The following NELFE variants were observed in gnomAD, a reference collection of about 807,000 sequenced individuals.
The protein encoded by NELFE is negative elongation factor E.
NELFE carries 26 observed loss-of-function variants against 55.5 expected under a neutral mutation model. The observed-to-expected ratio is 0.47, with a 90% CI of 0.34 to 0.65. The LOEUF (loss-of-function observed/expected upper bound fraction) is 0.65. NELFE is among the 30% of genes least tolerant of loss of function. NELFE has a pLI of 0.01. For missense variants in NELFE, 403 were observed against 506.9 expected, an observed-to-expected ratio of 0.80 and a Z score of 1.97; for synonymous variants, 162 against 178.0, an observed-to-expected ratio of 0.91 and a Z score of 0.72.
chr6:31,956,935 A>T lies in NELFE; in HGVS notation c.145+6T>A, dbSNP rs1772122220. 1 of 1,611,488 alleles carries T rather than the reference A, an allele frequency of 6.2e-7. No individual in the cohort carries two copies. Among genetic ancestry groups the T allele is most frequent in the Non-Finnish European group, 8.5e-7 (1 of 1,178,756 alleles). ...CCAGTCCATCCCCATTTCCCCTGTC[A>T]CTCACAGCGTTTGACACCACCTTGG... On this transcript the variant is annotated splice_donor_region_variant and intron_variant, in intron 3 of 10. Transcript: ENST00000375429.
At chr6:31,952,479 T>G (rs947517124) in intron 10 of NELFE, 81 bp from the exon 11 acceptor site, 104 of 998,080 alleles carry the variant, frequency 1.0e-4, no homozygotes, top group Middle Eastern at 5.8e-4. Flanking sequence ...ACCACCTCAC[T>G]CCTGGCCACT....
chr6:31,955,000 CCAAGGA>C lies in NELFE; in HGVS notation c.404+53_404+58del. 1.2e-6 allele frequency: 2 copies of C among 1,613,406 alleles called. No homozygotes were observed. The highest frequency in any genetic ancestry group is 1.7e-6 in the Non-Finnish European group (2 of 1,179,860). On this transcript the variant is annotated intron_variant, in intron 6 of 10. Transcript: ENST00000375429. This position sits in a 1 kb window ranked among gnomAD's most constrained non-coding sequence, Gnocchi z 5.5. ...GCCCAGCTCCTACAGCCCAAACCTC[CCAAGGA>C]CTCAGGCAATCAACTCCACCAAATG...
chr6:31,956,235 CCTG>C (rs1271703855), intron 4 of NELFE, among the ~76,000 whole-genome samples: 1 of 151,576 alleles, frequency 6.6e-6, no homozygotes, highest in Non-Finnish European at 1.5e-5. Context: ...GGCCTCACAC[CCTG>C]CTGATTTTTG....
rs1771810131 is a variant in NELFE at position 31,952,098 on chromosome 6, T to C, written c.*203A>G. 1.3e-6 allele frequency: 2 copies of C among 1,599,200 alleles called. No homozygotes were observed. The highest frequency in any genetic ancestry group is 8.5e-7 in the Non-Finnish European group (1 of 1,170,906). ...GCTGCGACAACACCTGTGTTCCAGA[T>C]CCTTTTGGGGCAAGGGAGTGGGGAA... On this transcript the variant is annotated 3_prime_UTR_variant, in exon 11 of 11. Coordinates refer to ENST00000375429, the MANE Select transcript of NELFE (RefSeq NM_002904.6).
intron 2 of NELFE, 43 bp downstream of exon 2, chr6:31,958,329 G>A (rs1036553475): frequency 1.9e-6 from 3 of 1,555,928 alleles, no homozygotes; most frequent in African/African-American, 1.4e-5. Flanking sequence ...TCAGAGTGCA[G>A]AGTCTGTGAA....
rs630379 is a variant in NELFE, at chr6:31,954,477, A to C, written c.743-35T>G. 1,156,133 of 1,584,938 alleles carry C rather than the reference A, an allele frequency of 0.73. 428,244 individuals are homozygous for C. Among genetic ancestry groups the C allele is most frequent in the South Asian group, 0.94 (80,585 of 85,848 alleles). On this transcript the variant is annotated intron_variant, in intron 7 of 10. Transcript: ENST00000375429. The surrounding 1 kb of genome is among the most constrained non-coding windows in gnomAD (Gnocchi z 5.5). ...CACAAATCATAGTCACAAGACATAGACCATGCCACATTTCACTTAGTAGGA... is the reference window on the plus strand; with the variant it reads ...CACAAATCATAGTCACAAGACATAGCCCATGCCACATTTCACTTAGTAGGA...
chr6:31,956,234 C>T (rs1437862482), intron 4 of NELFE, among the ~76,000 whole-genome samples: 1 of 151,904 alleles, frequency 6.6e-6, no homozygotes, highest in Non-Finnish European at 1.5e-5. Context: ...CGGCCTCACA[C>T]CCTGCTGATT....
chr6:31,956,892 G>A, intron 3 of NELFE, 49 bp downstream of exon 3: 1 of 1,612,974 alleles, frequency 6.2e-7, no homozygotes, highest in Non-Finnish European at 8.5e-7. Context: ...ATGAAGGTCA[G>A]CTCCATGCTG....
In NELFE at chr6:31,954,421, C is replaced by A; in HGVS notation, c.764G>T (p.Arg255Leu). Residue 255 changes from arginine to leucine, a missense_variant, in exon 8 of 11, where the codon CGG becomes CTG. Physicochemically the swap from Arg to Leu is moderately radical, Grantham distance 102. Around this residue, in one of 3 missense-constraint regions of NELFE, gnomAD observed 229 missense variants for 228.3 expected, o/e 1.00. Coordinates refer to ENST00000375429, the MANE Select transcript of NELFE (RefSeq NM_002904.6). The surrounding 1 kb of genome is among the most constrained non-coding windows in gnomAD (Gnocchi z 5.5). ...PFRRSDSFPE[R>L]RAPRKGNTLY... ...AGTATTCCCTTTCCTAGGGGCTCGC[C>A]GTTCAGGGAATGAATCCGACCCTTT... 1 of 1,605,410 alleles carries A rather than the reference C, an allele frequency of 6.2e-7. No homozygotes were observed. The highest frequency in any genetic ancestry group is 1.1e-5 in the South Asian group (1 of 90,196).
Position 31,958,937 on chromosome 6 carries a change from G to C in NELFE, c.-54C>G, listed in dbSNP as rs528161153. On this transcript the variant is annotated 5_prime_UTR_variant, in exon 1 of 11. Coordinates refer to ENST00000375429, the MANE Select transcript of NELFE (RefSeq NM_002904.6). ...GGCCCCACGGTCTCCGGCCGCGCCC[G>C]CGCTGGCCGCTGATAGCGGGCTCAC... 3 of 594,792 alleles carry C rather than the reference G, an allele frequency of 5.0e-6. No homozygotes were observed. Among genetic ancestry groups the C allele is most frequent in the Non-Finnish European group, 8.9e-6 (3 of 335,962 alleles). The allele number at this position is 594,792 out of a possible 1,614,324, so 36.8% of individuals were successfully genotyped here. A position where few individuals can be genotyped will look rare whatever the true frequency, so the allele number is the denominator to read the frequency against.
At position 31,954,480 on chromosome 6, in the gene NELFE, A is replaced by G. The variant is rs914012062; in HGVS notation, c.743-38T>C. The G allele has an allele frequency of 6.3e-7, 1 of 1,580,516 alleles. No individual in the cohort carries two copies. Among genetic ancestry groups the G allele is most frequent in the African/African-American group, 1.3e-5 (1 of 74,368 alleles). Reference sequence around the variant, plus strand: ...AAATCATAGTCACAAGACATAGACCATGCCACATTTCACTTAGTAGGACCC... The same window carrying G: ...AAATCATAGTCACAAGACATAGACCGTGCCACATTTCACTTAGTAGGACCC... On this transcript the variant is annotated intron_variant, in intron 7 of 10. Transcript: ENST00000375429. This position sits in a 1 kb window ranked among gnomAD's most constrained non-coding sequence, Gnocchi z 5.5.
chr6:31,958,275 G>T, intron 2 of NELFE, 97 bp downstream of exon 2: 3 of 1,116,604 alleles, frequency 2.7e-6, no homozygotes, highest in African/African-American at 1.5e-5. Context: ...CTAGGTATGG[G>T]CCAGAAAAAC....
intron 4 of NELFE, among the ~76,000 whole-genome samples, chr6:31,955,604 A>G (rs1772037484): frequency 1.3e-5 from 2 of 148,700 alleles, no homozygotes; most frequent in African/African-American, 5.0e-5. Flanking sequence ...GTGCTCTACC[A>G]TGCTTGGCTA....
intron 2 of NELFE, chr6:31,957,486 T>C: frequency 2.2e-6 from 1 of 457,746 alleles, no homozygotes; most frequent in Non-Finnish European, 4.4e-6. Flanking sequence ...GAGGTGCAGA[T>C]TATTCATAGC....
At chr6:31,956,545 G>T in intron 4 of NELFE, 148 bp downstream of exon 4, 2 of 799,748 alleles carry the variant, frequency 2.5e-6, no homozygotes, top group Non-Finnish European at 3.9e-6. Flanking sequence ...TTCAGGAGTC[G>T]TCTAGTTTTT....
Position 31,958,361 on chromosome 6 carries a change from C to T in NELFE, c.75+11G>A. The T allele has an allele frequency of 5.6e-6, 9 of 1,612,180 alleles. No individual in the cohort carries two copies. The highest frequency in any genetic ancestry group is 7.6e-6 in the Non-Finnish European group (9 of 1,179,178). ...TGAAAGGTTAGGCCATGTCCACACACAGTCCCTCACCTTTTTCTTGAGCTT... is the reference window on the plus strand; with the variant it reads ...TGAAAGGTTAGGCCATGTCCACACATAGTCCCTCACCTTTTTCTTGAGCTT... On this transcript the variant is annotated intron_variant, in intron 2 of 10. Coordinates refer to ENST00000375429, the MANE Select transcript of NELFE (RefSeq NM_002904.6).
Position 31,954,006 on chromosome 6 carries a change from G to A in NELFE, c.942+74C>T. 2 of 1,521,122 alleles carry A rather than the reference G, an allele frequency of 1.3e-6. No individual in the cohort carries two copies. Among genetic ancestry groups the A allele is most frequent in the South Asian group, 1.1e-5 (1 of 88,052 alleles). The allele number at this position is 1,521,122 out of a possible 1,614,324, so 94.2% of individuals were successfully genotyped here. A position where few individuals can be genotyped will look rare whatever the true frequency, so the allele number is the denominator to read the frequency against. On this transcript the variant is annotated intron_variant, in intron 9 of 10. Transcript: ENST00000375429. The surrounding 1 kb of genome is among the most constrained non-coding windows in gnomAD (Gnocchi z 5.5). ...TATCAAGAGGAACCAACTTCTTCCT[G>A]GCATCTAGTATTTTGAGGAGAACAC... is the stretch of plus-strand genomic sequence containing the variant.
At chr6:31,957,266 C>T in intron 2 of NELFE, 2 of 611,736 alleles carry the variant, frequency 3.3e-6, no homozygotes, top group Non-Finnish European at 5.9e-6. Context: ...ATAACTCAAT[C>T]ATGGACTAGA....
intron 2 of NELFE, among the ~76,000 whole-genome samples, chr6:31,958,108 G>A (rs940245421): frequency 6.6e-6 from 1 of 152,098 alleles, no homozygotes; most frequent in East Asian, 1.9e-4. Flanking sequence ...GGATAGAACT[G>A]GAAAAAACAA....
Sources: gnomAD v4.1 joint callset for allele counts (sites outside exome capture counted in the v4.1 genomes callset) on GRCh38, gnomAD v4.1.1 for gene constraint, gnomAD v4.1.1 regional missense constraint, Gnocchi (gnomAD v3.1) non-coding constraint, MANE v1.5 for transcripts, NCBI Gene and HGNC (gene_info 2026-07-23, HGNC 2026-07-21) for gene names.